AP4E1: variants seen among roughly 807,000 people sequenced by gnomAD.
The protein encoded by AP4E1 is AP-4 complex subunit epsilon-1.
AP4E1 carries 56 observed loss-of-function variants against 128.2 expected under a neutral mutation model. That is an observed-to-expected ratio of 0.44 (90% confidence interval 0.35 to 0.55). The LOEUF (loss-of-function observed/expected upper bound fraction) is 0.55. AP4E1 is among the 20% of genes least tolerant of loss of function. AP4E1 has a pLI of 0.00. For synonymous variants in AP4E1, 484 were observed against 473.1 expected (o/e 1.02, Z -0.30); for missense variants, 1,324 against 1,307.7 (o/e 1.01, Z -0.19).
chr15:50,973,464 G>A (rs2064510555), intron 15 of AP4E1, among the ~76,000 whole-genome samples: 2 of 152,078 alleles, frequency 1.3e-5, no homozygotes, highest in African/African-American at 4.8e-5. Flanking sequence ...AAATTTTTAA[G>A]TGTATAATAC....
At chr15:50,908,572 G>GTC, upstream of AP4E1, 1 of 543,206 alleles carries the variant, frequency 1.8e-6, no homozygotes, top group African/African-American at 2.0e-5. Flanking sequence ...TCGAGCGAGC[G>GTC]GCCTTTTCCA....
At chr15:51,000,075 C>G (rs2064940096) in intron 19 of AP4E1, among the ~76,000 whole-genome samples, 1 of 150,212 alleles carries the variant, frequency 6.7e-6, no homozygotes, top group African/African-American at 2.5e-5. Flanking sequence ...ATGAATATCT[C>G]TATATATTTT....
chr15:50,949,388 T>A (rs1228402539), intron 11 of AP4E1, among the ~76,000 whole-genome samples: 1 of 143,638 alleles, frequency 7.0e-6, no homozygotes, highest in Non-Finnish European at 1.5e-5. Context: ...CCTCCAGGCT[T>A]GGCGACAGAG....
intron 8 of AP4E1, among the ~76,000 whole-genome samples, chr15:50,937,567 A>T (rs1326922705): frequency 1.3e-5 from 2 of 152,230 alleles, no homozygotes; most frequent in Non-Finnish European, 2.9e-5. Flanking sequence ...ATACCAGTGT[A>T]AGGCAGAATG....
intron 3 of AP4E1, among the ~76,000 whole-genome samples, chr15:50,921,850 C>G (rs2063706509): frequency 6.6e-6 from 1 of 151,948 alleles, no homozygotes; most frequent in African/African-American, 2.4e-5. Context: ...CAGTGTTTTT[C>G]CCCCTTTTTT....
At chr15:50,977,724 T>G (rs2064577347) in intron 15 of AP4E1, among the ~76,000 whole-genome samples, 1 of 149,704 alleles carries the variant, frequency 6.7e-6, no homozygotes, top group Admixed American at 6.6e-5. Context: ...TTTTTTTTTT[T>G]TTAGACAGAG....
chr15:50,944,850 G>A, intron 10 of AP4E1: 1 of 760,830 alleles, frequency 1.3e-6, no homozygotes, highest in South Asian at 1.5e-5. Flanking sequence ...TTTGCTGGAT[G>A]GTCACCAAGA....
intron 17 of AP4E1, among the ~76,000 whole-genome samples, chr15:50,994,965 C>T (rs1337405194): frequency 2.0e-5 from 3 of 152,092 alleles, no homozygotes; most frequent in Non-Finnish European, 4.4e-5. Context: ...CCAGCTATCA[C>T]TGAAGAGTAG....
chr15:50,911,687 A>G (rs1014360907), intron 1 of AP4E1, among the ~76,000 whole-genome samples: 1 of 152,052 alleles, frequency 6.6e-6, no homozygotes, highest in Non-Finnish European at 1.5e-5. Flanking sequence ...CATGTTGGCC[A>G]GGCTGGTCTC....
Position 50,977,278 on chromosome 15 carries a change from T to A in AP4E1, c.1967-6744T>A, listed in dbSNP as rs28718743. Among the ~76,000 whole-genome samples, 760 of 152,216 alleles carry A rather than the reference T, an allele frequency of 5.0e-3. 11 individuals carry two copies. Among genetic ancestry groups the A allele is most frequent in the African/African-American group, 0.018 (735 of 41,536 alleles). ...AGGGTTGGATAGGGAAGGGGAGATA[T>A]AATAGGGAGACTATTTCCTGGCACT... On this transcript the variant is annotated intron_variant, in intron 15 of 20. Transcript: ENST00000261842.
chr15:50,924,976 T>C, intron 4 of AP4E1, 122 bp from the exon 5 acceptor site: 1 of 1,147,658 alleles, frequency 8.7e-7, no homozygotes, highest in Non-Finnish European at 1.3e-6. Context: ...TAAGTTTGGA[T>C]GTACAAATTA....
Position 50,936,723 on chromosome 15 carries a change from C to T in AP4E1, c.943+2026C>T, listed in dbSNP as rs188756245. Among the ~76,000 whole-genome samples the T allele has an allele frequency of 1.2e-3, 189 of 152,204 alleles. 1 individual carries two copies. The highest frequency in any genetic ancestry group is 4.2e-3 in the African/African-American group (175 of 41,528). On this transcript the variant is annotated intron_variant, in intron 8 of 20. Coordinates refer to ENST00000261842, the MANE Select transcript of AP4E1 (RefSeq NM_007347.5). ...GGCCGAGGTGGGCGGATCACAAGGT[C>T]GGGAGTTCAAGACCAACCTGGCCAA...
intron 10 of AP4E1, chr15:50,945,527 A>T: frequency 2.7e-6 from 2 of 744,006 alleles, no homozygotes; most frequent in Non-Finnish European, 5.0e-6. Context: ...CTTGACATGG[A>T]TTACCCTCCC....
intron 17 of AP4E1, among the ~76,000 whole-genome samples, chr15:50,996,053 A>C (rs1595582044): frequency 7.5e-6 from 1 of 134,162 alleles, no homozygotes; most frequent in East Asian, 2.2e-4. Flanking sequence ...CAGTGTCACG[A>C]TCTCAGCTTA....
At chr15:50,970,220 C>T (rs1365428779) in intron 15 of AP4E1, among the ~76,000 whole-genome samples, 1 of 152,180 alleles carries the variant, frequency 6.6e-6, no homozygotes. Flanking sequence ...ACTTATTTCA[C>T]TTAATATAAT....
At chr15:50,988,958 C>T (rs140137586) in intron 16 of AP4E1, among the ~76,000 whole-genome samples, 4 of 152,202 alleles carry the variant, frequency 2.6e-5, no homozygotes, top group Non-Finnish European at 5.9e-5. Context: ...TAATTAGTTA[C>T]CTTTAGAAAC....
chr15:50,945,452 A>G (rs1257404701), intron 10 of AP4E1: 3 of 774,926 alleles, frequency 3.9e-6, no homozygotes, highest in African/African-American at 3.4e-5. Context: ...TATAACTTAC[A>G]TACTTTTGAT....
At chr15:51,000,107 C>G (rs2064940567) in intron 19 of AP4E1, among the ~76,000 whole-genome samples, 1 of 146,108 alleles carries the variant, frequency 6.8e-6, no homozygotes, top group African/African-American at 2.5e-5. Flanking sequence ...CATGTCACTT[C>G]TGTTACAATA....
intron 13 of AP4E1, 147 bp downstream of exon 13, chr15:50,950,316 TA>T (rs2064132033): frequency 1.8e-5 from 11 of 604,962 alleles, no homozygotes; most frequent in Non-Finnish European, 3.2e-5. Flanking sequence ...ATCACTTAAC[TA>T]TTTACTTTGT....
Sources: allele counts gnomAD v4.1 joint callset (sites outside exome capture counted in the v4.1 genomes callset), GRCh38; gene constraint gnomAD v4.1.1; transcripts MANE v1.5; gene names NCBI Gene and HGNC (gene_info 2026-07-23, HGNC 2026-07-21).